PDE1C: variants seen among roughly 807,000 people sequenced by gnomAD.
The protein encoded by PDE1C is phosphodiesterase 1C, also known as dual specificity calcium/calmodulin-dependent 3',5'-cyclic nucleotide phosphodiesterase 1C.
Under a neutral mutation model 93.1 loss-of-function variants are expected in PDE1C, and 62 were observed. That is an observed-to-expected ratio of 0.67 (90% CI 0.54 to 0.82). The LOEUF is 0.82. Ranked by LOEUF, PDE1C falls within the 40% of genes least tolerant of loss-of-function variation. PDE1C has a pLI of 0.00. For synonymous variants in PDE1C, 325 were observed against 310.1 expected, an observed-to-expected ratio of 1.05 and a Z score of -0.50; for missense variants, 742 against 884.6, an observed-to-expected ratio of 0.84 and a Z score of 2.04.
At chr7:31,619,680 G>A in the PDE1C span, among the ~76,000 whole-genome samples, 52 of 152,218 alleles carry the variant, frequency 3.4e-4, no homozygotes, top group African/African-American at 1.0e-3. Flanking sequence ...CGTGAGCCAC[G>A]CAGAAGACGG....
chr7:32,403,076 T>G (rs146456450), intron 1 of PDE1C, among the ~76,000 whole-genome samples: 155 of 152,138 alleles, frequency 1.0e-3, no homozygotes, highest in African/African-American at 3.6e-3. Flanking sequence ...GGTTAATGAG[T>G]CCCAGCTTTT....
At chr7:32,283,049 T>A (rs56016925) in intron 1 of PDE1C, among the ~76,000 whole-genome samples, 2 of 152,336 alleles carry the variant, frequency 1.3e-5, no homozygotes, top group Admixed American at 1.3e-4. Flanking sequence ...ATATAGTCAA[T>A]TCTTTCTACT....
the PDE1C span, among the ~76,000 whole-genome samples, chr7:31,681,283 T>G: frequency 6.6e-6 from 1 of 152,282 alleles, no homozygotes; most frequent in East Asian, 1.9e-4. Context: ...GGTATTGTAC[T>G]TTATTCACCA....
At chr7:31,838,992 A>C (rs1791470502) in intron 9 of PDE1C, among the ~76,000 whole-genome samples, 1 of 148,536 alleles carries the variant, frequency 6.7e-6, no homozygotes, top group South Asian at 2.1e-4. Flanking sequence ...TATATTTCAA[A>C]TATTTAATAT....
chr7:32,219,512 T>C (rs1322452021), intron 1 of PDE1C, among the ~76,000 whole-genome samples: 4 of 152,226 alleles, frequency 2.6e-5, no homozygotes, highest in Non-Finnish European at 5.9e-5. Context: ...AGCAGATGTG[T>C]CTGAACATGC....
the PDE1C span, among the ~76,000 whole-genome samples, chr7:31,621,048 G>C: frequency 1.3e-5 from 2 of 151,770 alleles, no homozygotes; most frequent in African/African-American, 4.8e-5. Context: ...AAGAAGGGAA[G>C]TTTAGAGAAA....
intron 1 of PDE1C, among the ~76,000 whole-genome samples, chr7:32,380,587 C>T (rs764114319): frequency 1.3e-5 from 2 of 151,892 alleles, no homozygotes; most frequent in Non-Finnish European, 2.9e-5. Context: ...TTCCATCCTC[C>T]CCACTCCACT....
intron 3 of PDE1C, among the ~76,000 whole-genome samples, chr7:32,152,110 T>C (rs1801295806): frequency 6.6e-6 from 1 of 152,166 alleles, no homozygotes; most frequent in Admixed American, 6.5e-5. Context: ...TCTCCACTCT[T>C]GTACCCCATC....
intron 2 of PDE1C, among the ~76,000 whole-genome samples, chr7:32,045,238 GC>G (rs1270691645): frequency 6.6e-6 from 1 of 151,830 alleles, no homozygotes; most frequent in East Asian, 1.9e-4. Flanking sequence ...AAATTGTAGT[GC>G]TTTTTGGCCC....
intron 1 of PDE1C, among the ~76,000 whole-genome samples, chr7:32,359,275 G>T (rs1367719721): frequency 6.6e-6 from 1 of 152,080 alleles, no homozygotes; most frequent in Admixed American, 6.6e-5. Flanking sequence ...ATTCAGAATT[G>T]AGCTCAGTTC....
At chr7:31,999,948 C>T (rs529262565) in intron 2 of PDE1C, among the ~76,000 whole-genome samples, 7 of 152,212 alleles carry the variant, frequency 4.6e-5, no homozygotes, top group Non-Finnish European at 1.0e-4. Context: ...CATGCAGAGG[C>T]AGGGAGTTAG....
At chr7:32,260,969 G>C (rs1410520183) in intron 1 of PDE1C, among the ~76,000 whole-genome samples, 1 of 152,178 alleles carries the variant, frequency 6.6e-6, no homozygotes, top group Non-Finnish European at 1.5e-5. Context: ...AATTAGCTGG[G>C]CATGATGGCA....
At chr7:31,750,718 TTTTTGTTTTG>T (rs746558031), downstream of PDE1C, among the ~76,000 whole-genome samples, 13 of 152,340 alleles carry the variant, frequency 8.5e-5, no homozygotes, top group South Asian at 8.3e-4. Context: ...CCAATTGTTT[TTTTTGTTTTG>T]TTTTGTTTTG....
At chr7:31,853,763 A>T (rs1793645414) in intron 7 of PDE1C, among the ~76,000 whole-genome samples, 1 of 151,780 alleles carries the variant, frequency 6.6e-6, no homozygotes, top group Non-Finnish European at 1.5e-5. Flanking sequence ...GGGCTGGAGT[A>T]TAGTGGTGCA....
chr7:32,101,764 C>T (rs1018751262), intron 3 of PDE1C, among the ~76,000 whole-genome samples: 1 of 152,140 alleles, frequency 6.6e-6, no homozygotes, highest in Non-Finnish European at 1.5e-5. Flanking sequence ...TATAGTGACA[C>T]AAACAGACTA....
chr7:32,167,226 C>G (rs912440423), intron 3 of PDE1C, among the ~76,000 whole-genome samples: 2 of 152,194 alleles, frequency 1.3e-5, no homozygotes, highest in African/African-American at 4.8e-5. Context: ...AATGAAAATA[C>G]TAAATGCAAA....
In PDE1C at chr7:31,824,885, G is replaced by T; in HGVS notation, c.1388C>A (p.Thr463Lys). The T allele has an allele frequency of 6.2e-7, 1 of 1,613,148 alleles. No individual in the cohort carries two copies. The highest frequency in any genetic ancestry group is 1.1e-5 in the South Asian group (1 of 91,024). ...LIDETSQTGG[T>K]GQRRSSLNSI... ...CACTGACCTCGAACGCCTCTGTCCTGTCCCACCAGTTTGAGAGGTTTCATC... is the reference window on the plus strand; with the variant it reads ...CACTGACCTCGAACGCCTCTGTCCTTTCCCACCAGTTTGAGAGGTTTCATC... The change falls in exon 13 of 18, where the codon ACA becomes AAA. Residue 463 changes from threonine (T) to lysine (K), a missense_variant. Thr to Lys is a moderately conservative substitution (Grantham distance 78, BLOSUM62 -1). This residue lies in a region of PDE1C where 454 missense variants were observed against 459.4 expected (regional missense o/e 0.99). Transcript: ENST00000396191.
intron 6 of PDE1C, among the ~76,000 whole-genome samples, chr7:31,866,213 A>C (rs1795278379): frequency 6.6e-6 from 1 of 152,196 alleles, no homozygotes; most frequent in Non-Finnish European, 1.5e-5. Context: ...TTTGTGAAAA[A>C]AAAATAAGGA....
At chr7:32,376,822 G>C (rs568486361) in intron 1 of PDE1C, among the ~76,000 whole-genome samples, 1 of 152,222 alleles carries the variant, frequency 6.6e-6, no homozygotes, top group Non-Finnish European at 1.5e-5. Context: ...CGAGTAGCTG[G>C]GACTACGGGC....
Sources: gnomAD v4.1 joint callset for allele counts (sites outside exome capture counted in the v4.1 genomes callset) on GRCh38, gnomAD v4.1.1 for gene constraint, gnomAD v4.1.1 regional missense constraint, MANE v1.5 for transcripts, NCBI Gene and HGNC (gene_info 2026-07-23, HGNC 2026-07-21) for gene names.